SYNPR: variants seen among roughly 807,000 people sequenced by gnomAD.
SYNPR encodes the protein synaptoporin.
A neutral mutation model predicts 32.9 loss-of-function variants in SYNPR; 23 were observed. That is an observed-to-expected ratio of 0.70 (90% confidence interval 0.50 to 0.99). The LOEUF is 0.99. Ranked by LOEUF, SYNPR falls within the 50% of genes least tolerant of loss-of-function variation. SYNPR has a pLI of 0.00. For synonymous variants in SYNPR, 146 were observed against 135.9 expected (o/e 1.07, Z -0.52); for missense variants, 318 against 349.3 (o/e 0.91, Z 0.71).
At chr3:63,537,446 C>A (rs1702230290) in intron 3 of SYNPR, among the ~76,000 whole-genome samples, 1 of 152,080 alleles carries the variant, frequency 6.6e-6, no homozygotes, top group Non-Finnish European at 1.5e-5. Flanking sequence ...ATACAGACAT[C>A]TTTATTCTGG....
At chr3:63,611,237 A>T (rs543062726) in intron 5 of SYNPR, among the ~76,000 whole-genome samples, 6 of 152,234 alleles carry the variant, frequency 3.9e-5, no homozygotes, top group Non-Finnish European at 8.8e-5. Flanking sequence ...CTAGAGCAGA[A>T]TGAGAGTTCT....
chr3:63,276,064 G>T (rs984594016), upstream of SYNPR, among the ~76,000 whole-genome samples: 2 of 152,158 alleles, frequency 1.3e-5, no homozygotes, highest in Non-Finnish European at 2.9e-5. Flanking sequence ...ATCAAGGTCT[G>T]GTTGCAGATC....
At chr3:63,338,284 T>G (rs1386199930) in intron 2 of SYNPR, among the ~76,000 whole-genome samples, 1 of 152,204 alleles carries the variant, frequency 6.6e-6, no homozygotes, top group African/African-American at 2.4e-5. Flanking sequence ...CTGCTTCTCG[T>G]CTAGTCACTA....
chr3:63,452,688 C>A lies in SYNPR; in HGVS notation c.85-28144C>A, dbSNP rs144191542. On this transcript the variant is annotated intron_variant, in intron 2 of 5. Transcript: ENST00000478300. Reference sequence around the variant, plus strand: ...TATTTTAAGAATGGGGAAAATGAGACGTAGAGAGCCTGAGCCACTAGTCCA... The same window carrying A: ...TATTTTAAGAATGGGGAAAATGAGAAGTAGAGAGCCTGAGCCACTAGTCCA... 7.9e-5 allele frequency among the ~76,000 whole-genome samples: 12 copies of A among 152,188 alleles called. No individual in the cohort carries two copies. The East Asian group carries it at 2.1e-3, about 27-fold the overall frequency.
intron 3 of SYNPR, among the ~76,000 whole-genome samples, chr3:63,539,512 T>C (rs1702263650): frequency 6.6e-6 from 1 of 152,144 alleles, no homozygotes; most frequent in African/African-American, 2.4e-5. Flanking sequence ...TTATTGAATG[T>C]AGATCCTCAA....
chr3:63,594,644 G>C (rs1019054751), intron 4 of SYNPR, among the ~76,000 whole-genome samples: 1 of 152,044 alleles, frequency 6.6e-6, no homozygotes, highest in African/African-American at 2.4e-5. Flanking sequence ...ACCCCAAAAG[G>C]GTTGTTAGGA....
At chr3:63,469,311 C>T (rs572099459) in intron 2 of SYNPR, among the ~76,000 whole-genome samples, 15 of 152,152 alleles carry the variant, frequency 9.9e-5, no homozygotes, top group Non-Finnish European at 1.8e-4. Flanking sequence ...CCAGCATATC[C>T]GATGCATGCT....
At chr3:63,445,648 C>G in intron 2 of SYNPR, 1 of 623,760 alleles carries the variant, frequency 1.6e-6, no homozygotes, top group Non-Finnish European at 2.9e-6. Flanking sequence ...TCTTGACAAG[C>G]ACTCTATGAG....
intron 2 of SYNPR, among the ~76,000 whole-genome samples, chr3:63,336,701 A>G (rs919535722): frequency 6.6e-5 from 10 of 152,016 alleles, no homozygotes; most frequent in African/African-American, 2.4e-4. Flanking sequence ...GGTAATGATT[A>G]TTAGATACAT....
At chr3:63,582,684 A>T (rs993718064) in intron 4 of SYNPR, among the ~76,000 whole-genome samples, 3 of 152,132 alleles carry the variant, frequency 2.0e-5, no homozygotes, top group African/African-American at 7.2e-5. Flanking sequence ...TTACAAAAAT[A>T]CATTTGACAC....
At chr3:63,518,170 G>T (rs1402938145) in intron 3 of SYNPR, among the ~76,000 whole-genome samples, 1 of 152,150 alleles carries the variant, frequency 6.6e-6, no homozygotes, top group Non-Finnish European at 1.5e-5. Flanking sequence ...TTCACACCAA[G>T]TCTATCCCCC....
chr3:63,412,815 T>C (rs577571537), intron 2 of SYNPR, among the ~76,000 whole-genome samples: 115 of 152,268 alleles, frequency 7.6e-4, no homozygotes, highest in Non-Finnish European at 1.4e-3. Context: ...AACTTGAACC[T>C]GAAGATTACC....
At chr3:63,487,192 G>A (rs1248830647) in intron 3 of SYNPR, among the ~76,000 whole-genome samples, 1 of 152,102 alleles carries the variant, frequency 6.6e-6, no homozygotes, top group African/African-American at 2.4e-5. Flanking sequence ...TCACACTTGT[G>A]CAAACTTTTT....
chr3:63,456,424 G>T lies in SYNPR; in HGVS notation c.85-24408G>T, dbSNP rs76482116. ...GAAGAGTAAATAATTTGATGAAATT[G>T]GTCATAAGGATATGGGAATGGGATG... On this transcript the variant is annotated intron_variant, in intron 2 of 5. Coordinates refer to ENST00000478300, the MANE Select transcript of SYNPR (RefSeq NM_001130003.2). Among the ~76,000 whole-genome samples, 1,278 of 152,150 alleles carry T rather than the reference G, an allele frequency of 8.4e-3. 56 individuals carry two copies. In the East Asian group the frequency reaches 0.13, roughly 16 times the overall value.
Position 63,458,354 on chromosome 3 carries a change from G to A in SYNPR, c.85-22478G>A, listed in dbSNP as rs575024631. Among the ~76,000 whole-genome samples, 8 of 152,132 alleles carry A rather than the reference G, an allele frequency of 5.3e-5. No individual in the cohort carries two copies. The East Asian group carries it at 1.5e-3, about 29-fold the overall frequency. ...CAGCAATTTGGCCTGAGCTTAGCTG[G>A]GTAGCATGTCTGCTGATCTTGACTG... On this transcript the variant is annotated intron_variant, in intron 2 of 5. Transcript: ENST00000478300.
chr3:63,414,608 G>A (rs1248155973), intron 2 of SYNPR, among the ~76,000 whole-genome samples: 1 of 152,156 alleles, frequency 6.6e-6, no homozygotes, highest in Non-Finnish European at 1.5e-5. Context: ...CAAAAAGATA[G>A]GGAATTTTTT....
chr3:63,496,169 T>A (rs1353587121), intron 3 of SYNPR, among the ~76,000 whole-genome samples: 1 of 152,112 alleles, frequency 6.6e-6, no homozygotes, highest in Non-Finnish European at 1.5e-5. Context: ...TGAATTAGAA[T>A]ATTAAAATCC....
intron 2 of SYNPR, among the ~76,000 whole-genome samples, chr3:63,400,763 G>A (rs1282292728): frequency 2.0e-5 from 3 of 152,144 alleles, no homozygotes; most frequent in Non-Finnish European, 4.4e-5. Context: ...ACCCACCACA[G>A]GCAAGTACTA....
chr3:63,412,345 C>G (rs1011283152), intron 2 of SYNPR, among the ~76,000 whole-genome samples: 2 of 152,090 alleles, frequency 1.3e-5, no homozygotes, highest in East Asian at 1.9e-4. Context: ...ATCTTAAAAG[C>G]AGGATTCTGC....
Sources: gnomAD v4.1 joint callset for allele counts (sites outside exome capture counted in the v4.1 genomes callset) on GRCh38, gnomAD v4.1.1 for gene constraint, MANE v1.5 for transcripts, NCBI Gene and HGNC (gene_info 2026-07-23, HGNC 2026-07-21) for gene names.